Variants in ACOX1 observed in about 807,000 individuals in gnomAD.
ACOX1 encodes peroxisomal acyl-coenzyme A oxidase 1.
ACOX1 carries 41 observed loss-of-function variants against 75.5 expected under a neutral mutation model. The ratio of observed to expected loss-of-function variants is 0.54; its 90% CI spans 0.42 to 0.70. The LOEUF is 0.70. Among genes scored for constraint, ACOX1 ranks in the 30% least tolerant of loss-of-function variants. The probability of loss-of-function intolerance (pLI) is 0.00; values close to 1 mark genes in which losing one functional copy is unlikely to be tolerated. For synonymous variants in ACOX1, 303 were observed against 298.8 expected (o/e 1.01, Z -0.15); for missense variants, 630 against 837.5 (o/e 0.75, Z 3.06).
intron 2 of ACOX1, among the ~76,000 whole-genome samples, chr17:75,970,839 G>A (rs1211468285): frequency 6.6e-6 from 1 of 152,210 alleles, no homozygotes; most frequent in East Asian, 1.9e-4. Flanking sequence ...GTCACGTGAT[G>A]CAAATTAACC....
intron 2 of ACOX1, among the ~76,000 whole-genome samples, chr17:75,965,349 A>C (rs1460960422): frequency 6.6e-6 from 1 of 151,108 alleles, no homozygotes; most frequent in South Asian, 2.1e-4. Flanking sequence ...AAAAAAAAAA[A>C]AAAAAACCCA....
intron 2 of ACOX1, among the ~76,000 whole-genome samples, chr17:75,967,611 T>C (rs935449185): frequency 3.6e-5 from 5 of 138,710 alleles, no homozygotes; most frequent in South Asian, 2.2e-4. Context: ...TATATATATA[T>C]ATACATACAT....
Position 75,941,934 on chromosome 17 carries a change from C to A in ACOX1, c.*4814G>T, listed in dbSNP as rs993134510. On this transcript the variant is annotated 3_prime_UTR_variant, in exon 14 of 14. Transcript: ENST00000293217. Reference sequence around the variant, plus strand: ...TCAAAACATATTTTGGTTCAGAATTCTAAAAAATCCCGAATTTTCCATGAT... The same window carrying A: ...TCAAAACATATTTTGGTTCAGAATTATAAAAAATCCCGAATTTTCCATGAT... 6.6e-6 allele frequency: 1 copy of A among 152,158 alleles called. No homozygotes were observed. The highest frequency in any genetic ancestry group is 1.5e-5 in the Non-Finnish European group (1 of 68,024). 9.4% of individuals were successfully genotyped at this position (152,158 alleles called of 1,614,324 possible).
intron 2 of ACOX1, among the ~76,000 whole-genome samples, chr17:75,962,974 T>C (rs776272494): frequency 6.6e-4 from 101 of 151,884 alleles, no homozygotes; most frequent in Admixed American, 1.6e-3. Flanking sequence ...CTACTAAAAA[T>C]ACAAAAACTA....
At chr17:75,957,863 C>G (rs2065847755) in intron 3 of ACOX1, among the ~76,000 whole-genome samples, 1 of 152,178 alleles carries the variant, frequency 6.6e-6, no homozygotes, top group Admixed American at 6.5e-5. Flanking sequence ...CTTAGAATCA[C>G]ATTTTTAAGA....
chr17:75,958,683 C>G (rs544616045), intron 3 of ACOX1, among the ~76,000 whole-genome samples: 1 of 151,930 alleles, frequency 6.6e-6, no homozygotes, highest in Non-Finnish European at 1.5e-5. Flanking sequence ...TGGTGGGTGC[C>G]TGTAGTCCCA....
intron 2 of ACOX1, chr17:75,973,866 C>T (rs981648930): frequency 6.8e-7 from 1 of 1,462,028 alleles, no homozygotes; most frequent in Admixed American, 1.8e-5. Context: ...ACAGCTTTGG[C>T]CTTCAAGGAG....
chr17:75,953,646 C>T (rs778131995), intron 6 of ACOX1, 26 bp from the exon 7 acceptor site: 2 of 1,613,266 alleles, frequency 1.2e-6, no homozygotes, highest in African/African-American at 1.3e-5. Context: ...GGAACTGATA[C>T]TTCCTTCTTT....
chr17:75,977,358 G>C (rs1335862071), intron 2 of ACOX1, among the ~76,000 whole-genome samples: 1 of 151,876 alleles, frequency 6.6e-6, no homozygotes, highest in Non-Finnish European at 1.5e-5. Context: ...CACGAGGTGA[G>C]GAGTTTGAGA....
rs561945963 is a variant in ACOX1, at chr17:75,952,830, CAAAA to C, written c.944+617_944+620del. ...TGGGCAACAGAGTGAGAATCCATCT[CAAAA>C]AAAAAAAAAAAAGAAAAGAAAATAG... On this transcript the variant is annotated intron_variant, in intron 7 of 13. Coordinates refer to ENST00000293217, the MANE Select transcript of ACOX1 (RefSeq NM_004035.7). Among the ~76,000 whole-genome samples the C allele has an allele frequency of 8.4e-4, 63 of 75,150 alleles. 1 individual carries two copies. The highest frequency in any genetic ancestry group is 2.6e-3 in the African/African-American group (62 of 23,604). 49.3% of individuals were successfully genotyped at this position (75,150 alleles called of 152,430 possible). A position where few individuals can be genotyped will look rare whatever the true frequency, so the allele number is the denominator to read the frequency against.
At chr17:75,965,560 G>C (rs1468760340) in intron 2 of ACOX1, among the ~76,000 whole-genome samples, 2 of 147,420 alleles carry the variant, frequency 1.4e-5, no homozygotes, top group African/African-American at 4.9e-5. Context: ...GAATAAGCAA[G>C]CTTAAATACC....
chr17:75,947,972 C>A lies in ACOX1; in HGVS notation c.1935+279G>T, dbSNP rs578198678. 6.6e-5 allele frequency among the ~76,000 whole-genome samples: 10 copies of A among 152,246 alleles called. No individual in the cohort carries two copies. In the East Asian group the frequency reaches 1.9e-3, roughly 29 times the overall value. ...GACCTCAGGTGATCTGCCCACTCGG[C>A]CTCCCACAGTGCTGGGATTACAGGT... On this transcript the variant is annotated intron_variant, in intron 13 of 13. Coordinates refer to ENST00000293217, the MANE Select transcript of ACOX1 (RefSeq NM_004035.7).
At chr17:75,968,605 G>GAAA (rs56009651) in intron 2 of ACOX1, among the ~76,000 whole-genome samples, 4 of 69,226 alleles carry the variant, frequency 5.8e-5, no homozygotes, top group Admixed American at 1.9e-4. Flanking sequence ...GACTCCGCCT[G>GAAA]AAAAAAAAAA....
Position 75,978,836 on chromosome 17 carries a change from C to T in ACOX1, c.109+129G>A. ...CCCACCAGGGACACAGGCTGTTCCT[C>T]GAAGTGGGGGTCCCGGCTCCCCTAA... On this transcript the variant is annotated intron_variant, in intron 1 of 13. Coordinates refer to ENST00000293217, the MANE Select transcript of ACOX1 (RefSeq NM_004035.7). This position sits in a 1 kb window ranked among gnomAD's most constrained non-coding sequence, Gnocchi z 4.2. The T allele has an allele frequency of 6.3e-7, 1 of 1,597,876 alleles. No homozygotes were observed. Among genetic ancestry groups the T allele is most frequent in the Non-Finnish European group, 8.5e-7 (1 of 1,176,220 alleles).
chr17:75,947,150 G>C (rs2065728323), intron 13 of ACOX1, among the ~76,000 whole-genome samples: 1 of 151,866 alleles, frequency 6.6e-6, no homozygotes, highest in Non-Finnish European at 1.5e-5. Flanking sequence ...GATTACAGGC[G>C]TGAGCCACTG....
At chr17:75,959,488 A>G (rs1042415913) in intron 3 of ACOX1, among the ~76,000 whole-genome samples, 1 of 152,230 alleles carries the variant, frequency 6.6e-6, no homozygotes, top group African/African-American at 2.4e-5. Context: ...CTGAAACGTC[A>G]GAGCAGAAAA....
At chr17:75,953,164 T>C (rs530900650) in intron 7 of ACOX1, 6 of 338,528 alleles carry the variant, frequency 1.8e-5, no homozygotes, top group African/African-American at 1.1e-4. Flanking sequence ...ATTTCACTTA[T>C]AAAGTTCAAG....
chr17:75,967,737 C>T (rs1035949855), intron 2 of ACOX1, among the ~76,000 whole-genome samples: 2 of 135,586 alleles, frequency 1.5e-5, no homozygotes, highest in Non-Finnish European at 3.1e-5. Context: ...TATATATACA[C>T]GTATATATAT....
At chr17:75,963,127 G>A (rs2065901098) in intron 2 of ACOX1, among the ~76,000 whole-genome samples, 3 of 151,732 alleles carry the variant, frequency 2.0e-5, no homozygotes, top group African/African-American at 7.3e-5. Flanking sequence ...ACTCTGTCTC[G>A]AAAAACAAAA....
Sources: allele counts gnomAD v4.1 joint callset (sites outside exome capture counted in the v4.1 genomes callset), GRCh38; gene constraint gnomAD v4.1.1; non-coding constraint Gnocchi (gnomAD v3.1); transcripts MANE v1.5; gene names NCBI Gene and HGNC (gene_info 2026-07-23, HGNC 2026-07-21).